Variants in TBC1D22A observed in about 807,000 individuals in gnomAD.
TBC1D22A encodes TBC1 domain family member 22A, also known as putative GTPase activator.
TBC1D22A carries 38 observed loss-of-function variants against 60.2 expected under a neutral mutation model. The observed-to-expected ratio is 0.63, with a 90% confidence interval of 0.49 to 0.83. The LOEUF is 0.83. Ranked by LOEUF, TBC1D22A falls within the 40% of genes least tolerant of loss-of-function variation. TBC1D22A has a pLI of 0.00. For missense variants in TBC1D22A, 628 were observed against 701.0 expected, an observed-to-expected ratio of 0.90 and a Z score of 1.18; for synonymous variants, 302 against 281.7, an observed-to-expected ratio of 1.07 and a Z score of -0.72.
chr22:47,089,632 G>A (rs1211724834), intron 11 of TBC1D22A, among the ~76,000 whole-genome samples: 2 of 152,218 alleles, frequency 1.3e-5, no homozygotes, highest in Non-Finnish European at 1.5e-5. Flanking sequence ...GTGGGAAGCT[G>A]GAGGTGACAA....
At chr22:46,806,147 G>A (rs1254175749) in intron 4 of TBC1D22A, among the ~76,000 whole-genome samples, 2 of 152,100 alleles carry the variant, frequency 1.3e-5, no homozygotes, top group African/African-American at 2.4e-5. Flanking sequence ...CACCGCGCCC[G>A]GCCTCCAACC....
At chr22:47,133,815 G>A (rs13055207) in intron 12 of TBC1D22A, among the ~76,000 whole-genome samples, 43,497 of 152,070 alleles carry the variant, frequency 0.29, 7,044 homozygotes, top group East Asian at 0.6. Context: ...TCCAGCAGCG[G>A]CTTCAGGCTG....
At chr22:47,051,868 C>G (rs960604170) in intron 11 of TBC1D22A, among the ~76,000 whole-genome samples, 13 of 152,248 alleles carry the variant, frequency 8.5e-5, no homozygotes, top group African/African-American at 3.1e-4. Flanking sequence ...GCGGTGCTCT[C>G]CTGGCCACCT....
intron 9 of TBC1D22A, among the ~76,000 whole-genome samples, chr22:46,988,554 A>G (rs974233807): frequency 6.6e-6 from 1 of 152,248 alleles, no homozygotes; most frequent in Non-Finnish European, 1.5e-5. Flanking sequence ...GCATGTCTCC[A>G]TCAGAGCTCT....
At chr22:46,956,318 G>T (rs777227320) in intron 8 of TBC1D22A, among the ~76,000 whole-genome samples, 5 of 152,200 alleles carry the variant, frequency 3.3e-5, no homozygotes, top group Non-Finnish European at 7.3e-5. Flanking sequence ...AGGCACAGTG[G>T]CTCACGCCTG....
chr22:46,879,180 C>G (rs131871), intron 5 of TBC1D22A, among the ~76,000 whole-genome samples: 93,654 of 148,478 alleles, frequency 0.63, 30,933 homozygotes, highest in Middle Eastern at 0.83. Context: ...ATGGATGAGA[C>G]AAGTGGTTTG....
chr22:46,798,366 A>G (rs891452703), intron 4 of TBC1D22A, among the ~76,000 whole-genome samples: 4 of 152,242 alleles, frequency 2.6e-5, no homozygotes, highest in Non-Finnish European at 5.9e-5. Context: ...GCTTGCAGTC[A>G]TCAGAGGGTG....
chr22:47,133,751 G>T (rs2066763297), intron 12 of TBC1D22A, among the ~76,000 whole-genome samples: 1 of 152,156 alleles, frequency 6.6e-6, no homozygotes, highest in African/African-American at 2.4e-5. Flanking sequence ...TTGTGGTGTG[G>T]CCCTGTGCCT....
rs192869057 is a variant in TBC1D22A at position 47,147,687 on chromosome 22, G to A, written c.1426-25811G>A. On this transcript the variant is annotated intron_variant, in intron 12 of 12. Transcript: ENST00000337137. ...AGTTCTGATGTGGTGGGACAGGGCCGGGCTGGGAGTGAGCCCCGCCGCAGG... is the reference window on the plus strand; with the variant it reads ...AGTTCTGATGTGGTGGGACAGGGCCAGGCTGGGAGTGAGCCCCGCCGCAGG... Among the ~76,000 whole-genome samples the A allele has an allele frequency of 2.0e-5, 3 of 152,378 alleles. No homozygotes were observed. In the East Asian group the frequency reaches 5.8e-4, roughly 29 times the overall value.
rs529507386 is a variant in TBC1D22A, at chr22:46,878,715, C to G, written c.700C>G (p.Leu234Val). 1 of 1,613,076 alleles carries G rather than the reference C, an allele frequency of 6.2e-7. No homozygotes were observed. The highest frequency in any genetic ancestry group is 1.1e-5 in the South Asian group (1 of 91,088). The change falls in exon 5 of 13, where the codon CTC becomes GTC. Residue 234 changes from leucine (L) to valine (V), a missense_variant. Coordinates refer to ENST00000337137, the MANE Select transcript of TBC1D22A (RefSeq NM_014346.5). ...PKPVRPMTWK[L>V]LSGYLPANVD... The stretch of plus-strand genomic sequence containing the variant: ...GCCAGTGCGTCCAATGACGTGGAAG[C>G]TCCTCTCAGTAAGTCCCACCGCACC...
chr22:46,972,744 G>A (rs551959933), intron 8 of TBC1D22A, among the ~76,000 whole-genome samples: 11 of 152,276 alleles, frequency 7.2e-5, no homozygotes, highest in Admixed American at 2.0e-4. Context: ...CCACTCTGTC[G>A]CACACGCTAA....
chr22:46,821,291 G>T (rs1242497569), intron 4 of TBC1D22A, among the ~76,000 whole-genome samples: 1 of 152,052 alleles, frequency 6.6e-6, no homozygotes, highest in African/African-American at 2.4e-5. Flanking sequence ...ATGCTATCTG[G>T]TTATTTTGCA....
chr22:47,166,170 G>C (rs2068202864), intron 12 of TBC1D22A, among the ~76,000 whole-genome samples: 1 of 152,168 alleles, frequency 6.6e-6, no homozygotes, highest in Non-Finnish European at 1.5e-5. Flanking sequence ...CCTTCCTGCT[G>C]CCTGGGGGAG....
At chr22:46,933,565 C>T (rs2071472373) in intron 8 of TBC1D22A, among the ~76,000 whole-genome samples, 1 of 152,198 alleles carries the variant, frequency 6.6e-6, no homozygotes, top group Non-Finnish European at 1.5e-5. Flanking sequence ...TCTGCCCTCT[C>T]TGGCCTCTTC....
chr22:46,932,720 C>CTTTTTTTTTTTTTTTTTTT (rs67463903), intron 8 of TBC1D22A, among the ~76,000 whole-genome samples: 2 of 66,322 alleles, frequency 3.0e-5, no homozygotes, highest in African/African-American at 6.8e-5. Flanking sequence ...GTCCTTCTTG[C>CTTTTTTTTTTTTTTTTTTT]TTTTTTTTTT....
chr22:47,163,802 C>T (rs186333917), intron 12 of TBC1D22A, among the ~76,000 whole-genome samples: 4 of 152,336 alleles, frequency 2.6e-5, no homozygotes, highest in Admixed American at 6.5e-5. Context: ...ACCTGCACCA[C>T]GGGGTCGTTT....
rs1447640878 is a variant in TBC1D22A, at chr22:46,793,539, T to A, written c.158T>A (p.Val53Glu). The A allele has an allele frequency of 1.1e-5, 17 of 1,614,154 alleles. No homozygotes were observed. Among genetic ancestry groups the A allele is most frequent in the Non-Finnish European group, 1.4e-5 (17 of 1,180,038 alleles). The change falls in exon 3 of 13, where the codon GTG becomes GAG. Residue 53 changes from valine to glutamate, a missense_variant. By Grantham distance (121) the Val-to-Glu change is moderately radical. Transcript: ENST00000337137. ...RSTAKMPTTP[V>E]KAKRVSTFQE... Reference sequence around the variant, plus strand: ...ACGGCCAAGATGCCGACCACACCAGTGAAGGCCAAGAGGGTCAGCACCTTC... The same window carrying A: ...ACGGCCAAGATGCCGACCACACCAGAGAAGGCCAAGAGGGTCAGCACCTTC...
At chr22:46,904,128 T>TA (rs936748784) in intron 7 of TBC1D22A, among the ~76,000 whole-genome samples, 8 of 103,004 alleles carry the variant, frequency 7.8e-5, no homozygotes, top group Admixed American at 6.6e-4. Context: ...TCTATCTATC[T>TA]ATCTATCTAT....
At chr22:46,880,249 C>T (rs2067784918) in intron 5 of TBC1D22A, among the ~76,000 whole-genome samples, 1 of 152,142 alleles carries the variant, frequency 6.6e-6, no homozygotes, top group Admixed American at 6.5e-5. Context: ...AGGGAGCTTC[C>T]AGGTCACAGA....
Sources: gnomAD v4.1 joint callset for allele counts (sites outside exome capture counted in the v4.1 genomes callset) on GRCh38, gnomAD v4.1.1 for gene constraint, MANE v1.5 for transcripts, NCBI Gene and HGNC (gene_info 2026-07-23, HGNC 2026-07-21) for gene names.